The following DNM3 variants were observed in gnomAD, a reference collection of about 807,000 sequenced individuals.
DNM3 encodes dynamin 3, also known as dynamin-3.
A neutral mutation model predicts 101.6 loss-of-function variants in DNM3; 47 were observed. That is an observed-to-expected ratio of 0.46 (90% CI 0.37 to 0.59). The LOEUF is 0.59. Ranked by LOEUF, DNM3 falls within the 20% of genes least tolerant of loss-of-function variation. The pLI is 0.00. For missense variants in DNM3, 849 were observed against 1,085.7 expected (o/e 0.78, Z 3.06); for synonymous variants, 385 against 387.9 (o/e 0.99, Z 0.09).
intron 14 of DNM3, among the ~76,000 whole-genome samples, chr1:172,200,798 C>G (rs1381207200): frequency 6.6e-6 from 1 of 151,972 alleles, no homozygotes; most frequent in Non-Finnish European, 1.5e-5. Flanking sequence ...CTCCTTTTTG[C>G]CTTATTGTGA....
At chr1:172,163,481 G>GC (rs1181957164) in intron 14 of DNM3, among the ~76,000 whole-genome samples, 1 of 151,878 alleles carries the variant, frequency 6.6e-6, no homozygotes, top group Non-Finnish European at 1.5e-5. Context: ...CTCGTGATCT[G>GC]CCCCCCTTGG....
At chr1:172,082,852 C>T (rs138303080) in intron 12 of DNM3, among the ~76,000 whole-genome samples, 1 of 152,182 alleles carries the variant, frequency 6.6e-6, no homozygotes, top group Non-Finnish European at 1.5e-5. Context: ...TGAAAATTAT[C>T]TCATCCTAAA....
chr1:171,929,612 A>G (rs1158116748), intron 2 of DNM3, among the ~76,000 whole-genome samples: 1 of 150,208 alleles, frequency 6.7e-6, no homozygotes, highest in Non-Finnish European at 1.5e-5. Context: ...GACCGCTTCC[A>G]CCCCTAGTCA....
chr1:171,905,459 CAG>C (rs1482866063), intron 1 of DNM3, among the ~76,000 whole-genome samples: 1 of 152,110 alleles, frequency 6.6e-6, no homozygotes, highest in Admixed American at 6.6e-5. Flanking sequence ...CTTAAAGAGA[CAG>C]AAAGTAGCTA....
chr1:172,108,732 G>A (rs192465326), intron 13 of DNM3, among the ~76,000 whole-genome samples: 37 of 152,322 alleles, frequency 2.4e-4, no homozygotes, highest in Middle Eastern at 6.8e-3. Context: ...GAGTGCCCTG[G>A]TTTTATAATT....
At chr1:172,215,653 C>A (rs511206) in intron 14 of DNM3, among the ~76,000 whole-genome samples, 62,370 of 151,670 alleles carry the variant, frequency 0.41, 13,748 homozygotes, top group African/African-American at 0.56. Flanking sequence ...ATAGCAAAAA[C>A]AAATTTTTAA....
chr1:172,287,720 T>C (rs2063752126), intron 15 of DNM3, among the ~76,000 whole-genome samples: 1 of 151,754 alleles, frequency 6.6e-6, no homozygotes, highest in South Asian at 2.1e-4. Flanking sequence ...TTTGAATGGT[T>C]GTTGCATTGA....
intron 1 of DNM3, among the ~76,000 whole-genome samples, chr1:171,889,293 G>A (rs980127271): frequency 5.3e-5 from 8 of 152,106 alleles, no homozygotes; most frequent in Non-Finnish European, 1.2e-4. Context: ...ATTTAAATAG[G>A]AGAGAGAGGC....
intron 1 of DNM3, among the ~76,000 whole-genome samples, chr1:171,900,374 A>C (rs2038202569): frequency 6.6e-6 from 1 of 152,132 alleles, no homozygotes; most frequent in Non-Finnish European, 1.5e-5. Context: ...GAACATGCAG[A>C]GTGAAAAGAT....
intron 2 of DNM3, among the ~76,000 whole-genome samples, chr1:171,948,709 A>G (rs1320349624): frequency 6.6e-6 from 1 of 152,152 alleles, no homozygotes; most frequent in Non-Finnish European, 1.5e-5. Flanking sequence ...GAAAGAGCCA[A>G]ATTCCTGAAT....
In DNM3 at chr1:171,951,768, T is replaced by A. The variant is rs1441657148; in HGVS notation, c.235+29947T>A. Among the ~76,000 whole-genome samples the A allele has an allele frequency of 2.0e-5, 3 of 152,194 alleles. No homozygotes were observed. The East Asian group carries it at 5.8e-4, about 29-fold the overall frequency. ...GCTCTGTAAAACATTTCAAAAGGTT[T>A]ATTATGAGCCCATATTAATGACTAT... is the stretch of plus-strand genomic sequence containing the variant. On this transcript the variant is annotated intron_variant, in intron 2 of 20. Transcript: ENST00000627582.
At chr1:172,095,070 T>C (rs894614298) in intron 13 of DNM3, among the ~76,000 whole-genome samples, 25 of 152,346 alleles carry the variant, frequency 1.6e-4, no homozygotes, top group African/African-American at 5.5e-4. Context: ...CCACACATTA[T>C]GGAAGTATTA....
chr1:172,113,381 A>T (rs1367976652), intron 13 of DNM3, among the ~76,000 whole-genome samples: 3 of 151,850 alleles, frequency 2.0e-5, no homozygotes, highest in Non-Finnish European at 4.4e-5. Flanking sequence ...ATTGAGGAAC[A>T]GATGTACTCA....
chr1:171,988,109 T>G (rs986729996), intron 3 of DNM3, among the ~76,000 whole-genome samples: 2 of 152,162 alleles, frequency 1.3e-5, no homozygotes, highest in Non-Finnish European at 2.9e-5. Context: ...GCTGAAATCT[T>G]AGAGGTACAT....
intron 14 of DNM3, among the ~76,000 whole-genome samples, chr1:172,155,435 G>A (rs1260800143): frequency 3.3e-5 from 5 of 151,994 alleles, no homozygotes; most frequent in Admixed American, 2.0e-4. Flanking sequence ...AGCTAATTAA[G>A]GTTTATTTTA....
intron 14 of DNM3, among the ~76,000 whole-genome samples, chr1:172,182,082 T>C (rs1425599878): frequency 1.3e-5 from 2 of 152,038 alleles, no homozygotes; most frequent in African/African-American, 4.8e-5. Flanking sequence ...GAACTGGAAC[T>C]TTTTACTATT....
intron 14 of DNM3, among the ~76,000 whole-genome samples, chr1:172,170,059 A>T (rs1228329319): frequency 6.6e-6 from 1 of 151,926 alleles, no homozygotes; most frequent in Admixed American, 6.6e-5. Context: ...AGATCTATGC[A>T]CTACAAAGCA....
chr1:171,933,002 T>C (rs550433612), intron 2 of DNM3, among the ~76,000 whole-genome samples: 1 of 152,308 alleles, frequency 6.6e-6, no homozygotes, highest in Non-Finnish European at 1.5e-5. Context: ...TCTTTTTTTT[T>C]CCTGTTAATC....
At chr1:172,368,323 C>T (rs987778008) in intron 17 of DNM3, among the ~76,000 whole-genome samples, 2 of 151,820 alleles carry the variant, frequency 1.3e-5, no homozygotes, top group African/African-American at 4.8e-5. Context: ...TCAAGTGGAA[C>T]TTTGGAAACT....
Sources: allele counts gnomAD v4.1 joint callset (sites outside exome capture counted in the v4.1 genomes callset), GRCh38; gene constraint gnomAD v4.1.1; transcripts MANE v1.5; gene names NCBI Gene and HGNC (gene_info 2026-07-23, HGNC 2026-07-21).